CNTN5: variants seen among roughly 807,000 people sequenced by gnomAD.
CNTN5 encodes contactin 5, also known as contactin-5.
A neutral mutation model predicts 129.1 loss-of-function variants in CNTN5; 77 were observed. That is an observed-to-expected ratio of 0.60 (90% CI 0.50 to 0.72). The LOEUF (loss-of-function observed/expected upper bound fraction) is 0.72, where lower values mean the gene tolerates loss of function less well. Among genes scored for constraint, CNTN5 ranks in the 30% least tolerant of loss-of-function variants. The probability of loss-of-function intolerance (pLI) is 0.00; values close to 1 mark genes in which losing one functional copy is unlikely to be tolerated. For missense variants in CNTN5, 1,478 were observed against 1,328.8 expected, an observed-to-expected ratio of 1.11 and a Z score of -1.75; for synonymous variants, 509 against 465.6, an observed-to-expected ratio of 1.09 and a Z score of -1.20.
At chr11:99,128,729 C>G (rs1313550649) in intron 1 of CNTN5, among the ~76,000 whole-genome samples, 1 of 152,166 alleles carries the variant, frequency 6.6e-6, no homozygotes, top group Non-Finnish European at 1.5e-5. Flanking sequence ...TGGCTGGCAT[C>G]AGGTCGGTGC....
intron 1 of CNTN5, among the ~76,000 whole-genome samples, chr11:99,224,648 C>T (rs1280875195): frequency 7.6e-6 from 1 of 132,000 alleles, no homozygotes; most frequent in South Asian, 2.4e-4. Context: ...TCTCGTCTCC[C>T]AAGGTTGCAT....
intron 2 of CNTN5, among the ~76,000 whole-genome samples, chr11:99,421,210 G>T (rs773713030): frequency 6.6e-5 from 10 of 151,850 alleles, no homozygotes; most frequent in Middle Eastern, 3.4e-3. Flanking sequence ...TAAGCTCAGG[G>T]GATACATGGG....
At chr11:99,188,012 T>C (rs1333370588) in intron 1 of CNTN5, among the ~76,000 whole-genome samples, 2 of 151,856 alleles carry the variant, frequency 1.3e-5, no homozygotes, top group Admixed American at 1.3e-4. Context: ...CATATTTTCT[T>C]CTCTTGTACA....
At chr11:100,250,688 A>T (rs972264734) in intron 16 of CNTN5, among the ~76,000 whole-genome samples, 6 of 152,166 alleles carry the variant, frequency 3.9e-5, no homozygotes, top group African/African-American at 1.4e-4. Flanking sequence ...GGGCAAATAG[A>T]CAAATATCAA....
chr11:99,175,977 C>G (rs1259191657), intron 1 of CNTN5, among the ~76,000 whole-genome samples: 3 of 152,158 alleles, frequency 2.0e-5, no homozygotes, highest in Non-Finnish European at 1.5e-5. Context: ...ACTATTATCT[C>G]AAGTCCATGG....
chr11:100,344,728 A>G (rs1565442062), intron 23 of CNTN5, among the ~76,000 whole-genome samples: 1 of 152,172 alleles, frequency 6.6e-6, no homozygotes, highest in Non-Finnish European at 1.5e-5. Context: ...CATCATACAC[A>G]TGTATCAAAT....
chr11:99,144,579 G>T (rs1268092651), intron 1 of CNTN5, among the ~76,000 whole-genome samples: 1 of 152,002 alleles, frequency 6.6e-6, no homozygotes, highest in East Asian at 1.9e-4. Flanking sequence ...TTGTTCAGTT[G>T]GTGGTGTCCT....
rs1866561333 is a variant in CNTN5 at position 99,098,149 on chromosome 11, A to G, written c.-210+76879A>G. Among the ~76,000 whole-genome samples, 2 of 152,110 alleles carry G rather than the reference A, an allele frequency of 1.3e-5. 1 individual carries two copies. Among genetic ancestry groups the G allele is most frequent in the South Asian group, 4.1e-4 (2 of 4,834 alleles). On this transcript the variant is annotated intron_variant, in intron 1 of 24. Coordinates refer to ENST00000524871, the MANE Select transcript of CNTN5 (RefSeq NM_014361.4). ...AGCAGCATTTACCAAATCAGAGACA[A>G]CACATTTCTCATTCATGGCTTCAAT...
intron 15 of CNTN5, among the ~76,000 whole-genome samples, chr11:100,207,535 T>A (rs946778511): frequency 9.9e-5 from 15 of 152,084 alleles, no homozygotes; most frequent in African/African-American, 3.6e-4. Context: ...TCACTAAAAC[T>A]AAAAAATACT....
Position 100,084,641 on chromosome 11 carries a change from T to C in CNTN5, c.1580+10347T>C, listed in dbSNP as rs553969601. On this transcript the variant is annotated intron_variant, in intron 13 of 24. Transcript: ENST00000524871. ...ATGTTATCATTTGCATGCTTACATC[T>C]CTGTGTTCCAATGACAGTGTGGTTT... Among the ~76,000 whole-genome samples, 163 of 152,132 alleles carry C rather than the reference T, an allele frequency of 1.1e-3. 5 individuals are homozygous for C. In the South Asian group the frequency reaches 0.033, roughly 31 times the overall value.
At chr11:99,193,475 A>G (rs1005379714) in intron 1 of CNTN5, among the ~76,000 whole-genome samples, 3 of 152,148 alleles carry the variant, frequency 2.0e-5, no homozygotes, top group African/African-American at 7.2e-5. Context: ...TCTTGTTGAT[A>G]AATCCAAGAA....
chr11:99,769,611 C>A (rs548692308), intron 3 of CNTN5, among the ~76,000 whole-genome samples: 10 of 151,920 alleles, frequency 6.6e-5, no homozygotes, highest in South Asian at 6.2e-4. Context: ...CTGAAGAGGG[C>A]GAATAGCTTG....
chr11:100,274,559 A>C (rs960673753), intron 18 of CNTN5, among the ~76,000 whole-genome samples: 6 of 152,360 alleles, frequency 3.9e-5, no homozygotes, highest in African/African-American at 1.2e-4. Context: ...AAAAGTGAGC[A>C]AAGGACATGT....
intron 2 of CNTN5, among the ~76,000 whole-genome samples, chr11:99,406,493 G>T (rs1463869278): frequency 6.6e-6 from 1 of 151,968 alleles, no homozygotes; most frequent in Non-Finnish European, 1.5e-5. Context: ...ACTGCACTGG[G>T]TCAGATCTTA....
chr11:99,631,417 G>A (rs1004817929), intron 3 of CNTN5, among the ~76,000 whole-genome samples: 5 of 151,788 alleles, frequency 3.3e-5, no homozygotes, highest in Admixed American at 1.3e-4. Context: ...GCTTGAATTA[G>A]TAAAGAACGA....
intron 3 of CNTN5, among the ~76,000 whole-genome samples, chr11:99,683,020 A>G (rs1953628050): frequency 6.6e-6 from 1 of 151,918 alleles, no homozygotes; most frequent in African/African-American, 2.4e-5. Context: ...GAATTGTCTT[A>G]TTGATCTGGA....
chr11:99,928,400 G>A (rs1199033011), intron 7 of CNTN5, among the ~76,000 whole-genome samples: 1 of 152,204 alleles, frequency 6.6e-6, no homozygotes, highest in African/African-American at 2.4e-5. Flanking sequence ...CCTCAGCAGA[G>A]GTTCTCCACG....
chr11:100,120,630 A>C (rs1945986255), intron 13 of CNTN5, among the ~76,000 whole-genome samples: 2 of 152,074 alleles, frequency 1.3e-5, no homozygotes, highest in South Asian at 4.1e-4. Flanking sequence ...AACAGTTGAA[A>C]CAAAGTGAAG....
chr11:100,141,021 G>A (rs748437436), intron 13 of CNTN5, among the ~76,000 whole-genome samples: 57 of 152,028 alleles, frequency 3.7e-4, no homozygotes, highest in Non-Finnish European at 1.2e-4. Flanking sequence ...AAGTATTGTC[G>A]GCAGGAAAAA....
Sources: allele counts gnomAD v4.1 joint callset (sites outside exome capture counted in the v4.1 genomes callset), GRCh38; gene constraint gnomAD v4.1.1; transcripts MANE v1.5; gene names NCBI Gene and HGNC (gene_info 2026-07-23, HGNC 2026-07-21).